Variants in AMDHD1 observed in about 807,000 individuals in gnomAD.
The protein encoded by AMDHD1 is probable imidazolonepropionase.
AMDHD1 carries 45 observed loss-of-function variants against 44.1 expected under a neutral mutation model. The ratio of observed to expected loss-of-function variants is 1.02; its 90% confidence interval spans 0.80 to 1.31. The LOEUF is 1.31. Ranked by LOEUF, AMDHD1 falls within the 50% of genes most tolerant of loss-of-function variation. AMDHD1 has a pLI of 0.00. For synonymous variants in AMDHD1, 206 were observed against 205.0 expected, an observed-to-expected ratio of 1.00 and a Z score of -0.04; for missense variants, 586 against 552.1, an observed-to-expected ratio of 1.06 and a Z score of -0.61.
chr12:95,952,764 A>C lies in AMDHD1; in HGVS notation c.185A>C (p.Gln62Pro). The change falls in exon 2 of 9, where the codon CAG (glutamine) becomes CCG (proline). Residue 62 changes from glutamine to proline, a missense_variant. Gln to Pro is a moderately conservative substitution (Grantham distance 76). Coordinates refer to ENST00000266736, the MANE Select transcript of AMDHD1 (RefSeq NM_152435.3). ...GGTCCTGCTGATGTTATTCAAAGAC[A>C]GTTTTCTGGAGAAACTTTTGAAGAA... ...AIGPADVIQR[Q>P]FSGETFEEII... The C allele has an allele frequency of 2.5e-6, 4 of 1,613,166 alleles. No individual in the cohort carries two copies. Among genetic ancestry groups the C allele is most frequent in the Non-Finnish European group, 3.4e-6 (4 of 1,179,330 alleles).
intron 4 of AMDHD1, 140 bp from the exon 5 acceptor site, chr12:95,960,258 C>T: frequency 1.4e-6 from 1 of 703,842 alleles, no homozygotes; most frequent in East Asian, 2.7e-5. Context: ...ATAGTTGTAG[C>T]TTTGAGTCTT....
Position 95,960,585 on chromosome 12 carries a change from T to C in AMDHD1, c.775T>C (p.Phe259Leu). ...AAAAGATATAGGGTTACAGATTAAC[T>C]TCCATGGGGATGAACTCCACCCGAT... ...RGKDIGLQIN[F>L]HGDELHPMKA... is the part of the protein sequence containing the mutation. Residue 259 changes from phenylalanine to leucine, a missense_variant, in exon 5 of 9, where the codon TTC becomes CTC. By Grantham distance (22) the Phe-to-Leu change is conservative. Coordinates refer to ENST00000266736, the MANE Select transcript of AMDHD1 (RefSeq NM_152435.3). The C allele has an allele frequency of 6.2e-7, 1 of 1,614,228 alleles. No homozygotes were observed. The highest frequency in any genetic ancestry group is 1.3e-5 in the African/African-American group (1 of 75,072).
At chr12:95,959,603 C>T (rs956364944) in intron 4 of AMDHD1, among the ~76,000 whole-genome samples, 6 of 151,776 alleles carry the variant, frequency 4.0e-5, no homozygotes, top group Non-Finnish European at 5.9e-5. Context: ...AATTTCACAG[C>T]CTCCTACTAT....
intron 8 of AMDHD1, 139 bp from the exon 9 acceptor site, chr12:95,967,617 T>C: frequency 1.5e-6 from 1 of 646,804 alleles, no homozygotes; most frequent in Non-Finnish European, 2.6e-6. Flanking sequence ...ATACGGTTTT[T>C]TAGAAAGCCC....
intron 1 of AMDHD1, among the ~76,000 whole-genome samples, chr12:95,949,562 A>C (rs1185062205): frequency 1.3e-5 from 2 of 152,250 alleles, no homozygotes; most frequent in African/African-American, 4.8e-5. Flanking sequence ...AAGAAAATAC[A>C]GATGAACAAA....
chr12:95,966,502 C>T lies in AMDHD1; in HGVS notation c.1187C>T (p.Ser396Leu). The part of the protein sequence containing the change: ...GKQGDLIIIN[S>L]SRWEHLIYQF... ...CAGGGAGATCTCATTATCATCAATT[C>T]ATCCCGGTGAGTGTGCTTCAACTTA... The change falls in exon 8 of 9, where the codon TCA becomes TTA. Residue 396 changes from serine (S) to leucine (L), a missense_variant. By Grantham distance (145) the Ser-to-Leu change is moderately radical. Coordinates refer to ENST00000266736, the MANE Select transcript of AMDHD1 (RefSeq NM_152435.3). 2.5e-6 allele frequency: 4 copies of T among 1,614,214 alleles called. No individual in the cohort carries two copies. Among genetic ancestry groups the T allele is most frequent in the Non-Finnish European group, 3.4e-6 (4 of 1,180,042 alleles).
At chr12:95,956,986 G>A (rs1444244643) in intron 4 of AMDHD1, 24 bp downstream of exon 4, 3 of 1,610,880 alleles carry the variant, frequency 1.9e-6, no homozygotes, top group East Asian at 2.2e-5. Context: ...GTGGGGGCCC[G>A]GGTTTAACTC....
At position 95,956,752 on chromosome 12, in the gene AMDHD1, C is replaced by T. The variant is rs1382470046; in HGVS notation, c.377C>T (p.Thr126Met). The part of the protein sequence containing the change: ...GGGIHFTVER[T>M]RQATEEELFR... ...GGGATCCACTTTACCGTGGAGCGCA[C>T]GCGCCAAGCCACAGAGGAGGAGCTG... is the stretch of plus-strand genomic sequence containing the variant. The change falls in exon 4 of 9, where the codon ACG becomes ATG. Residue 126 changes from threonine (T) to methionine (M), a missense_variant. By Grantham distance (81) the Thr-to-Met change is moderately conservative. Transcript: ENST00000266736. 16 of 1,614,174 alleles carry T rather than the reference C, an allele frequency of 9.9e-6. No individual in the cohort carries two copies. The highest frequency in any genetic ancestry group is 1.3e-5 in the Non-Finnish European group (15 of 1,180,040).
In AMDHD1 at chr12:95,965,679, C is replaced by T. The variant is rs778453895; in HGVS notation, c.939-7C>T. ...TAGAGACTGACATATTTTTTTCCTCCCCTTAGACTGAAACAACCTCGAGCC... is the reference window on the plus strand; with the variant it reads ...TAGAGACTGACATATTTTTTTCCTCTCCTTAGACTGAAACAACCTCGAGCC... On this transcript the variant is annotated splice_region_variant and splice_polypyrimidine_tract_variant and intron_variant, in intron 6 of 8. Coordinates refer to ENST00000266736, the MANE Select transcript of AMDHD1 (RefSeq NM_152435.3). 11 of 1,604,266 alleles carry T rather than the reference C, an allele frequency of 6.9e-6. No individual in the cohort carries two copies. In the East Asian group the frequency reaches 2.2e-4, roughly 33 times the overall value.
chr12:95,945,587 A>T (rs1342827450), intron 1 of AMDHD1, among the ~76,000 whole-genome samples: 1 of 152,200 alleles, frequency 6.6e-6, no homozygotes, highest in Non-Finnish European at 1.5e-5. Context: ...GATTGTCTTA[A>T]ATTTTCACAT....
At chr12:95,955,538 A>G (rs2080545611) in intron 3 of AMDHD1, among the ~76,000 whole-genome samples, 1 of 152,226 alleles carries the variant, frequency 6.6e-6, no homozygotes, top group Admixed American at 6.5e-5. Context: ...TCTTTTCTTC[A>G]GCTATCATGT....
chr12:95,956,583 G>A, intron 3 of AMDHD1, 102 bp from the exon 4 acceptor site: 1 of 1,495,476 alleles, frequency 6.7e-7, no homozygotes. Context: ...CATGCCATAT[G>A]GCTTCTTAAT....
intron 1 of AMDHD1, among the ~76,000 whole-genome samples, chr12:95,945,865 A>T (rs2080493022): frequency 6.6e-6 from 1 of 152,132 alleles, no homozygotes; most frequent in South Asian, 2.1e-4. Context: ...CTAATAGTTA[A>T]TCCCCTATAT....
At chr12:95,952,446 G>T (rs1243678869) in intron 1 of AMDHD1, among the ~76,000 whole-genome samples, 1 of 152,078 alleles carries the variant, frequency 6.6e-6, no homozygotes. Flanking sequence ...ATGCTCTTTT[G>T]GTTACTATAG....
chr12:95,952,868 G>A (rs747606929), intron 2 of AMDHD1, 45 bp downstream of exon 2: 5 of 1,156,522 alleles, frequency 4.3e-6, no homozygotes, highest in East Asian at 2.4e-5. Context: ...AGCTTTAACA[G>A]TTGCTCCTGA....
chr12:95,964,928 C>CAAAAAAAAAAAAAA (rs60076877), intron 6 of AMDHD1, among the ~76,000 whole-genome samples: 432 of 35,806 alleles, frequency 0.012, 129 homozygotes, highest in African/African-American at 0.039. Flanking sequence ...ATGTTTGAGG[C>CAAAAAAAAAAAAAA]AAAAAAAAAA....
At position 95,948,606 on chromosome 12, in the gene AMDHD1, A is replaced by G. The variant is rs545432530; in HGVS notation, c.138-4111A>G. On this transcript the variant is annotated intron_variant, in intron 1 of 8. Coordinates refer to ENST00000266736, the MANE Select transcript of AMDHD1 (RefSeq NM_152435.3). ...CGGGAGGTGAGGGGCGCCTCTGCCCAGCCACCACCCCGTCTGGGAGGTGTG... is the reference window on the plus strand; with the variant it reads ...CGGGAGGTGAGGGGCGCCTCTGCCCGGCCACCACCCCGTCTGGGAGGTGTG... Among the ~76,000 whole-genome samples, 3 of 81,680 alleles carry G rather than the reference A, an allele frequency of 3.7e-5. 1 individual carries two copies. Among genetic ancestry groups the G allele is most frequent in the Admixed American group, 2.6e-4 (2 of 7,660 alleles). 53.6% of individuals were successfully genotyped at this position (81,680 alleles called of 152,430 possible). A position where few individuals can be genotyped will look rare whatever the true frequency, so the allele number is the denominator to read the frequency against.
rs2080620546 is a variant in AMDHD1, at chr12:95,967,927, A to G, written c.*84A>G. On this transcript the variant is annotated 3_prime_UTR_variant, in exon 9 of 9. Coordinates refer to ENST00000266736, the MANE Select transcript of AMDHD1 (RefSeq NM_152435.3). ...AAAGTTAAAACACCTTAATATTTAC[A>G]AGAATTATATCACTTAAACCTAAAT... is the stretch of plus-strand genomic sequence containing the variant. The G allele has an allele frequency of 1.1e-6, 1 of 925,192 alleles. No homozygotes were observed. The highest frequency in any genetic ancestry group is 1.7e-5 in the African/African-American group (1 of 57,976). 57.3% of individuals were successfully genotyped at this position (925,192 alleles called of 1,614,324 possible).
intron 1 of AMDHD1, among the ~76,000 whole-genome samples, chr12:95,944,451 G>C (rs2136755804): frequency 6.6e-6 from 1 of 151,884 alleles, no homozygotes; most frequent in East Asian, 1.9e-4. Context: ...GCCCAGGTTG[G>C]AGTGCAGTGG....
Sources: allele counts gnomAD v4.1 joint callset (sites outside exome capture counted in the v4.1 genomes callset), GRCh38; gene constraint gnomAD v4.1.1; transcripts MANE v1.5; gene names NCBI Gene and HGNC (gene_info 2026-07-23, HGNC 2026-07-21).